Variants in BACH2 observed in about 807,000 individuals in gnomAD.
BACH2 encodes the protein BACH transcriptional regulator 2, also known as transcription regulator protein BACH2.
In BACH2, 5 loss-of-function variants were observed where a neutral mutation model predicts 61.8. That is an observed-to-expected ratio of 0.08 (90% CI 0.04 to 0.17). BACH2 has a LOEUF of 0.17. BACH2 is among the 10% of genes least tolerant of loss of function. The pLI, the probability that BACH2 is intolerant of heterozygous loss-of-function variation, is 1.00. For missense variants in BACH2, 824 were observed against 1,091.1 expected, an observed-to-expected ratio of 0.76 and a Z score of 3.45; for synonymous variants, 446 against 440.1, an observed-to-expected ratio of 1.01 and a Z score of -0.17.
rs190952989 is a variant in BACH2, at chr6:89,940,041, C to T, written c.1837-1691G>A. Among the ~76,000 whole-genome samples the T allele has an allele frequency of 3.7e-3, 561 of 151,220 alleles. 1 individual carries two copies. The highest frequency in any genetic ancestry group is 6.9e-3 in the Middle Eastern group (2 of 290). ...TCTTTTTTCTTTTGAGATGGAGTCT[C>T]GGTCTGTCACCCAGGCTGGAGTAGA... On this transcript the variant is annotated intron_variant, in intron 7 of 8. Coordinates refer to ENST00000257749, the MANE Select transcript of BACH2 (RefSeq NM_021813.4).
intron 4 of BACH2, among the ~76,000 whole-genome samples, chr6:90,156,508 T>A (rs7774138): frequency 0.25 from 37,499 of 152,104 alleles, 5,830 homozygotes; most frequent in Non-Finnish European, 0.35. Context: ...CTCTCATGGT[T>A]TACTTCAGGG....
At chr6:90,157,795 T>A (rs1020011577) in intron 4 of BACH2, among the ~76,000 whole-genome samples, 1 of 152,152 alleles carries the variant, frequency 6.6e-6, no homozygotes, top group Non-Finnish European at 1.5e-5. Flanking sequence ...CCTGGAGATA[T>A]CCACGATGGT....
rs191603584 is a variant in BACH2 at position 90,128,406 on chromosome 6, C to A, written c.-161-39297G>T. On this transcript the variant is annotated intron_variant, in intron 4 of 8. Transcript: ENST00000257749. The stretch of plus-strand genomic sequence containing the variant: ...GACCATTCTGGCCAACATGGTGAAA[C>A]CCTGTTTCTACTAAAAATATAAAAA... 2.3e-3 allele frequency among the ~76,000 whole-genome samples: 350 copies of A among 152,240 alleles called. 2 individuals are homozygous for A. Among genetic ancestry groups the A allele is most frequent in the African/African-American group, 7.8e-3 (323 of 41,540 alleles).
intron 3 of BACH2, chr6:90,218,160 G>C (rs1327972336): frequency 6.6e-6 from 1 of 152,162 alleles, no homozygotes; most frequent in Non-Finnish European, 1.5e-5. Flanking sequence ...TGACATCACA[G>C]AGCAAACTCA....
intron 5 of BACH2, among the ~76,000 whole-genome samples, chr6:90,043,833 C>G (rs145948303): frequency 3.9e-4 from 59 of 152,304 alleles, no homozygotes; most frequent in African/African-American, 1.3e-3. Flanking sequence ...CATGCTGGAG[C>G]TTTCCAGCCT....
At chr6:90,161,925 C>T (rs957086274) in intron 4 of BACH2, among the ~76,000 whole-genome samples, 4 of 152,050 alleles carry the variant, frequency 2.6e-5, no homozygotes, top group Non-Finnish European at 5.9e-5. Context: ...AACCTCTGGC[C>T]GATGAATTTA....
At chr6:90,027,590 G>A (rs941469130) in intron 5 of BACH2, among the ~76,000 whole-genome samples, 1 of 152,148 alleles carries the variant, frequency 6.6e-6, no homozygotes, top group African/African-American at 2.4e-5. Context: ...TTGGCCAGGT[G>A]GTACCGGAGA....
intron 5 of BACH2, among the ~76,000 whole-genome samples, chr6:90,031,204 C>T (rs1245156410): frequency 6.6e-6 from 1 of 152,084 alleles, no homozygotes; most frequent in Non-Finnish European, 1.5e-5. Context: ...GGACATATCT[C>T]AAAATAATAA....
Position 90,248,338 on chromosome 6 carries a change from TCTTC to T in BACH2, c.-275+4171_-275+4174del, listed in dbSNP as rs765539981. ...TATTTTTAAATTATTATTCAATAACTCTTCCTTGAGTGTGTCCTGCTTGCTAGGA... is the reference window on the plus strand; with the variant it reads ...TATTTTTAAATTATTATTCAATAACTCTTGAGTGTGTCCTGCTTGCTAGGA... On this transcript the variant is annotated intron_variant, in intron 3 of 8. Coordinates refer to ENST00000257749, the MANE Select transcript of BACH2 (RefSeq NM_021813.4). 2.6e-5 allele frequency among the ~76,000 whole-genome samples: 4 copies of T among 152,290 alleles called. No homozygotes were observed. In the South Asian group the frequency reaches 6.2e-4, roughly 24 times the overall value.
At chr6:90,097,191 A>G (rs1782414543) in intron 4 of BACH2, among the ~76,000 whole-genome samples, 1 of 152,252 alleles carries the variant, frequency 6.6e-6, no homozygotes. Context: ...GAAAGTCAGA[A>G]GCAGCAAAAG....
intron 6 of BACH2, among the ~76,000 whole-genome samples, chr6:89,966,531 A>G (rs920262244): frequency 6.6e-6 from 1 of 152,226 alleles, no homozygotes; most frequent in African/African-American, 2.4e-5. Context: ...AGAAATTGTT[A>G]TGATCCAACA....
chr6:90,060,894 G>A (rs1562411337), intron 5 of BACH2, among the ~76,000 whole-genome samples: 1 of 152,054 alleles, frequency 6.6e-6, no homozygotes, highest in Non-Finnish European at 1.5e-5. Flanking sequence ...CAAACACAAG[G>A]GATGGCCAAT....
At chr6:90,114,440 G>A (rs1030913227) in intron 4 of BACH2, among the ~76,000 whole-genome samples, 5 of 152,136 alleles carry the variant, frequency 3.3e-5, no homozygotes, top group African/African-American at 1.2e-4. Context: ...AGTAGATGCA[G>A]AACAGGCTTT....
At chr6:90,019,020 A>G (rs1158912813) in intron 5 of BACH2, among the ~76,000 whole-genome samples, 1 of 152,158 alleles carries the variant, frequency 6.6e-6, no homozygotes, top group Non-Finnish European at 1.5e-5. Context: ...TAGGGTCTCA[A>G]TTCTGATTTG....
intron 4 of BACH2, among the ~76,000 whole-genome samples, chr6:90,132,586 C>G (rs914397722): frequency 5.9e-5 from 9 of 152,162 alleles, no homozygotes; most frequent in African/African-American, 1.7e-4. Context: ...TTTACTCTTA[C>G]AGTCATCATT....
intron 4 of BACH2, among the ~76,000 whole-genome samples, chr6:90,142,940 T>C (rs936481213): frequency 5.9e-5 from 9 of 152,326 alleles, no homozygotes; most frequent in African/African-American, 2.2e-4. Flanking sequence ...TGATTTAAGG[T>C]ATTCCAGCTA....
At chr6:89,985,722 C>A (rs1776204117) in intron 6 of BACH2, among the ~76,000 whole-genome samples, 1 of 152,180 alleles carries the variant, frequency 6.6e-6, no homozygotes, top group Non-Finnish European at 1.5e-5. Flanking sequence ...TTTCTCTCAC[C>A]TTTTCTGTGT....
intron 5 of BACH2, among the ~76,000 whole-genome samples, chr6:90,047,679 G>A (rs1779853844): frequency 6.6e-6 from 1 of 152,158 alleles, no homozygotes; most frequent in African/African-American, 2.4e-5. Context: ...TTAAGTTAGT[G>A]GATAATTGTG....
intron 3 of BACH2, among the ~76,000 whole-genome samples, chr6:90,213,387 T>C (rs1289764599): frequency 1.3e-5 from 2 of 152,232 alleles, no homozygotes; most frequent in Non-Finnish European, 2.9e-5. Context: ...GTTTGCCTCT[T>C]CTACTGCACA....
Sources: allele counts gnomAD v4.1 joint callset (sites outside exome capture counted in the v4.1 genomes callset), GRCh38; gene constraint gnomAD v4.1.1; transcripts MANE v1.5; gene names NCBI Gene and HGNC (gene_info 2026-07-23, HGNC 2026-07-21).